Variants in H2AJ observed in about 807,000 individuals in gnomAD.
H2AJ encodes the protein H2A.J histone.
Under a neutral mutation model 7.9 loss-of-function variants are expected in H2AJ, and 3 were observed. The observed-to-expected ratio is 0.38, with a 90% CI of 0.17 to 0.98. The LOEUF (loss-of-function observed/expected upper bound fraction) is 0.98, where lower values mean the gene tolerates loss of function less well. H2AJ is among the 50% of genes least tolerant of loss of function. H2AJ has a pLI of 0.39. For missense variants in H2AJ, 128 were observed against 174.4 expected (o/e 0.73, Z 1.50); for synonymous variants, 98 against 85.7 (o/e 1.14, Z -0.79).
rs1010830676 is a variant in H2AJ, at chr12:14,774,494, C to A, written c.24C>A (p.Gly8=). The change falls in exon 1 of 1, where the codon GGC becomes GGA. Residue 8 remains glycine, a synonymous_variant. Transcript: ENST00000544848. MSGRGKQ[G]GKVRAKAKSR... is the part of the protein sequence containing the mutation. ...TCATGTCCGGTCGCGGGAAACAGGGCGGCAAAGTGCGAGCAAAGGCCAAAT... is the reference window on the plus strand; with the variant it reads ...TCATGTCCGGTCGCGGGAAACAGGGAGGCAAAGTGCGAGCAAAGGCCAAAT... The A allele has an allele frequency of 1.5e-5, 23 of 1,583,490 alleles. No homozygotes were observed. Among genetic ancestry groups the A allele is most frequent in the Non-Finnish European group, 2.0e-5 (23 of 1,166,464 alleles).
Position 14,774,924 on chromosome 12 carries a change from A to G in H2AJ, c.*64A>G, listed in dbSNP as rs1288227512. On this transcript the variant is annotated 3_prime_UTR_variant, in exon 1 of 1. Transcript: ENST00000544848. ...AGGCCCTTTTCATGGTCGTCCCGCA[A>G]TGCTTTTGAATGTGCTGGATGTCAT... 1.3e-5 allele frequency: 20 copies of G among 1,536,702 alleles called. No homozygotes were observed. Among genetic ancestry groups the G allele is most frequent in the Admixed American group, 1.2e-4 (6 of 51,926 alleles).
rs926729991 is a variant in H2AJ at position 14,775,000 on chromosome 12, G to A, written c.*140G>A. ...AGGTGGGCGGCGAGGGTCCCGGCGG[G>A]AGCCAATAAAGTTGGTGAAAATCGT... On this transcript the variant is annotated 3_prime_UTR_variant, in exon 1 of 1. Coordinates refer to ENST00000544848, the MANE Select transcript of H2AJ (RefSeq NM_177925.5). The A allele has an allele frequency of 1.2e-5, 12 of 988,988 alleles. No homozygotes were observed. In the South Asian group the frequency reaches 1.5e-4, roughly 12 times the overall value. 61.3% of individuals were successfully genotyped at this position (988,988 alleles called of 1,614,324 possible).
At chr12:14,776,366 G>A (rs1949640690), downstream of H2AJ, 1 of 167,050 alleles carries the variant, frequency 6.0e-6, no homozygotes, top group African/African-American at 2.4e-5. Context: ...AAATACATAC[G>A]TTAATATGAG....
Position 14,774,967 on chromosome 12 carries a change from T to C in H2AJ, c.*107T>C. The C allele has an allele frequency of 7.6e-7, 1 of 1,316,394 alleles. No homozygotes were observed. Among genetic ancestry groups the C allele is most frequent in the Non-Finnish European group, 1.0e-6 (1 of 960,566 alleles). The allele number at this position is 1,316,394 out of a possible 1,614,324, so 81.5% of individuals were successfully genotyped here. A position where few individuals can be genotyped will look rare whatever the true frequency, so the allele number is the denominator to read the frequency against. ...GATGTCATGGAGGGCCGGTGACATC[T>C]AGCGGGGAGGTGGGCGGCGAGGGTC... On this transcript the variant is annotated 3_prime_UTR_variant, in exon 1 of 1. Transcript: ENST00000544848.
At chr12:14,777,268 A>C (rs1221278157), downstream of H2AJ, 2 of 167,082 alleles carry the variant, frequency 1.2e-5, no homozygotes, top group Admixed American at 1.3e-4. Context: ...GCCTAAGACA[A>C]AATCTGATGG....
chr12:14,776,447 T>C (rs1949642224), downstream of H2AJ: 1 of 167,172 alleles, frequency 6.0e-6, no homozygotes, highest in Non-Finnish European at 1.5e-5. Context: ...TTCTCCCATG[T>C]TGCCATTTTT....
chr12:14,777,820 A>G (rs1949660808), downstream of H2AJ: 2 of 167,088 alleles, frequency 1.2e-5, no homozygotes, highest in African/African-American at 2.4e-5. Flanking sequence ...TTTTATTTCT[A>G]TGTAAAGTGA....
chr12:14,777,590 G>A (rs1232139284), downstream of H2AJ: 1 of 166,976 alleles, frequency 6.0e-6, no homozygotes, highest in East Asian at 1.9e-4. Context: ...ACCATGCTGT[G>A]TAAGAACTTT....
rs937270048 is a variant in H2AJ at position 14,774,434 on chromosome 12, T to G, written c.-37T>G. On this transcript the variant is annotated 5_prime_UTR_variant, in exon 1 of 1. Transcript: ENST00000544848. ...TCCGGTACCGGACGCCGAGAGCGGTTTGTCTCCGTCTCTGGAGTTGTAGGC... is the reference window on the plus strand; with the variant it reads ...TCCGGTACCGGACGCCGAGAGCGGTGTGTCTCCGTCTCTGGAGTTGTAGGC... The G allele has an allele frequency of 5.9e-6, 9 of 1,526,452 alleles. No individual in the cohort carries two copies. The African/African-American group carries it at 1.1e-4, about 19-fold the overall frequency. The allele number at this position is 1,526,452 out of a possible 1,614,324, so 94.6% of individuals were successfully genotyped here.
At position 14,774,616 on chromosome 12, in the gene H2AJ, C is replaced by A. The variant is rs376405112; in HGVS notation, c.146C>A (p.Pro49Gln). Residue 49 changes from proline to glutamine, a missense_variant, in exon 1 of 1, where the codon CCG becomes CAG. Physicochemically the swap from Pro to Gln is moderately conservative, Grantham distance 76. Coordinates refer to ENST00000544848, the MANE Select transcript of H2AJ (RefSeq NM_177925.5). ...GCGGAGCGAGTGGGCGCCGGGGCGC[C>A]GGTGTACCTGGCGGCGGTGTTGGAG... ...NYAERVGAGA[P>Q]VYLAAVLEYL... 3 of 1,613,942 alleles carry A rather than the reference C, an allele frequency of 1.9e-6. No homozygotes were observed. The highest frequency in any genetic ancestry group is 2.2e-5 in the East Asian group (1 of 44,880).
Position 14,775,021 on chromosome 12 carries a change from A to G in H2AJ, c.*161A>G, listed in dbSNP as rs1485552817. On this transcript the variant is annotated 3_prime_UTR_variant, in exon 1 of 1. Transcript: ENST00000544848. Reference sequence around the variant, plus strand: ...GCGGGAGCCAATAAAGTTGGTGAAAATCGTTTGGTCGAGAGAGCTGTGTAG... The same window carrying G: ...GCGGGAGCCAATAAAGTTGGTGAAAGTCGTTTGGTCGAGAGAGCTGTGTAG... 2 of 858,174 alleles carry G rather than the reference A, an allele frequency of 2.3e-6. No homozygotes were observed. The highest frequency in any genetic ancestry group is 3.6e-6 in the Non-Finnish European group (2 of 558,388). 53.2% of individuals were successfully genotyped at this position (858,174 alleles called of 1,614,324 possible).
downstream of H2AJ, chr12:14,777,153 A>C (rs1352968071): frequency 6.0e-6 from 1 of 167,018 alleles, no homozygotes; most frequent in Non-Finnish European, 1.5e-5. Context: ...CTACAAAATC[A>C]GCTCAGCCCA....
chr12:14,775,762 A>T, downstream of H2AJ: 3 of 229,596 alleles, frequency 1.3e-5, no homozygotes, highest in Non-Finnish European at 2.9e-5. Flanking sequence ...CAAAACAAAA[A>T]CCTCTTGCTT....
Position 14,774,419 on chromosome 12 carries a change from G to A in H2AJ, c.-52G>A. 6.6e-7 allele frequency: 1 copy of A among 1,522,436 alleles called. No homozygotes were observed. The highest frequency in any genetic ancestry group is 2.3e-5 in the East Asian group (1 of 44,038). The allele number at this position is 1,522,436 out of a possible 1,614,324, so 94.3% of individuals were successfully genotyped here. Reference sequence around the variant, plus strand: ...TGCGGTACGTTGCATTCCGGTACCGGACGCCGAGAGCGGTTTGTCTCCGTC... The same window carrying A: ...TGCGGTACGTTGCATTCCGGTACCGAACGCCGAGAGCGGTTTGTCTCCGTC... On this transcript the variant is annotated 5_prime_UTR_variant, in exon 1 of 1. Coordinates refer to ENST00000544848, the MANE Select transcript of H2AJ (RefSeq NM_177925.5).
Position 14,774,581 on chromosome 12 carries a change from A to G in H2AJ, c.111A>G (p.Lys37=), listed in dbSNP as rs756842848. 13 of 1,613,806 alleles carry G rather than the reference A, an allele frequency of 8.1e-6. No individual in the cohort carries two copies. The highest frequency in any genetic ancestry group is 1.6e-4 in the Middle Eastern group (1 of 6,082). ...PVGRVHRLLR[K]GNYAERVGAG... is the part of the protein sequence containing the mutation. Reference sequence around the variant, plus strand: ...GCCGAGTGCACAGACTGCTGCGCAAAGGGAACTACGCGGAGCGAGTGGGCG... The same window carrying G: ...GCCGAGTGCACAGACTGCTGCGCAAGGGGAACTACGCGGAGCGAGTGGGCG... Residue 37 remains lysine (K), a synonymous_variant, in exon 1 of 1, where the codon AAA becomes AAG. Transcript: ENST00000544848.
downstream of H2AJ, chr12:14,775,525 T>G: frequency 1.5e-5 from 6 of 403,422 alleles, no homozygotes; most frequent in South Asian, 1.1e-4. Flanking sequence ...ATATAGCACT[T>G]TTATGTTCAT....
chr12:14,775,729 A>G (rs1438783764), downstream of H2AJ: 1 of 238,498 alleles, frequency 4.2e-6, no homozygotes, highest in Non-Finnish European at 9.1e-6. Context: ...CACTTTGAGA[A>G]TCGGTTTGAC....
chr12:14,774,678 G>A lies in H2AJ; in HGVS notation c.208G>A (p.Ala70Thr). 6.2e-7 allele frequency: 1 copy of A among 1,614,188 alleles called. No individual in the cohort carries two copies. The highest frequency in any genetic ancestry group is 8.5e-7 in the Non-Finnish European group (1 of 1,180,028). ...TAEILELAGN[A>T]ARDNKKTRII... ...GGAGATCCTGGAGCTGGCTGGCAACGCCGCGCGTGACAACAAGAAGACCAG... is the reference window on the plus strand; with the variant it reads ...GGAGATCCTGGAGCTGGCTGGCAACACCGCGCGTGACAACAAGAAGACCAG... The change falls in exon 1 of 1, where the codon GCC becomes ACC. Residue 70 changes from alanine (A) to threonine (T), a missense_variant. Coordinates refer to ENST00000544848, the MANE Select transcript of H2AJ (RefSeq NM_177925.5).
In H2AJ at chr12:14,774,533, C is replaced by T. The variant is rs2137212221; in HGVS notation, c.63C>T (p.Arg21=). The T allele has an allele frequency of 1.2e-6, 2 of 1,608,700 alleles. No homozygotes were observed. Among genetic ancestry groups the T allele is most frequent in the East Asian group, 2.2e-5 (1 of 44,802 alleles). Reference sequence around the variant, plus strand: ...CAAAGGCCAAATCCCGCTCCTCCCGCGCGGGCCTGCAGTTCCCGGTGGGCC... The same window carrying T: ...CAAAGGCCAAATCCCGCTCCTCCCGTGCGGGCCTGCAGTTCCCGGTGGGCC... ...VRAKAKSRSS[R]AGLQFPVGRV... is the part of the protein sequence containing the mutation. Residue 21 remains arginine (R), a synonymous_variant, in exon 1 of 1, where the codon CGC becomes CGT. Coordinates refer to ENST00000544848, the MANE Select transcript of H2AJ (RefSeq NM_177925.5).
Sources: allele counts gnomAD v4.1 joint callset, GRCh38; gene constraint gnomAD v4.1.1; transcripts MANE v1.5; gene names NCBI Gene and HGNC (gene_info 2026-07-23, HGNC 2026-07-21).